UBAP2: variants seen among roughly 807,000 people sequenced by gnomAD.
UBAP2 encodes ubiquitin associated protein 2, also known as ubiquitin-associated protein 2.
Under a neutral mutation model 139.6 loss-of-function variants are expected in UBAP2, and 75 were observed. The ratio of observed to expected loss-of-function variants is 0.54; its 90% confidence interval spans 0.45 to 0.65. The LOEUF (loss-of-function observed/expected upper bound fraction) is 0.65. Among genes scored for constraint, UBAP2 ranks in the 30% least tolerant of loss-of-function variants. The pLI is 0.00. For missense variants in UBAP2, 1,368 were observed against 1,369.6 expected, an observed-to-expected ratio of 1.00 and a Z score of 0.02; for synonymous variants, 526 against 526.2, an observed-to-expected ratio of 1.00 and a Z score of 0.01.
rs1823610153 is a variant in UBAP2 at position 33,927,925 on chromosome 9, A to T, written c.2243T>A (p.Val748Asp). Residue 748 changes from valine (V) to aspartate (D), a missense_variant, in exon 20 of 29, where the codon GTC (valine) becomes GAC (aspartate). Val to Asp is a radical substitution (Grantham distance 152, BLOSUM62 -3). Coordinates refer to ENST00000379238, the MANE Select transcript of UBAP2 (RefSeq NM_001370062.2). ...GGCGCCTGAGGATGCGGAACTTGAG[A>T]CGGAGGTCGCTGCCGTGGAGAAGGT... Reference protein sequence around the residue: ...SATFSTAATSVSSSASSGASL... With the variant: ...SATFSTAATSDSSSASSGASL... 6.2e-7 allele frequency: 1 copy of T among 1,614,068 alleles called. No homozygotes were observed. The highest frequency in any genetic ancestry group is 8.5e-7 in the Non-Finnish European group (1 of 1,180,030).
chr9:33,995,494 A>T (rs1198595135), intron 4 of UBAP2: 1 of 134,690 alleles, frequency 7.4e-6, no homozygotes, highest in Non-Finnish European at 1.5e-5. Flanking sequence ...TATATTATTA[A>T]ATATATATAT....
intron 1 of UBAP2, among the ~76,000 whole-genome samples, chr9:34,041,261 T>G (rs1374814671): frequency 1.3e-5 from 2 of 148,506 alleles, no homozygotes; most frequent in African/African-American, 5.0e-5. Context: ...GAGACCAGCC[T>G]GCCCAACATA....
intron 11 of UBAP2, among the ~76,000 whole-genome samples, chr9:33,954,002 G>C (rs767804584): frequency 2.3e-4 from 35 of 151,890 alleles, no homozygotes; most frequent in Non-Finnish European, 7.4e-5. Flanking sequence ...TGCCTCCCAG[G>C]CTTAAGCGAT....
At chr9:33,962,475 G>A (rs1259795301) in intron 9 of UBAP2, among the ~76,000 whole-genome samples, 3 of 151,582 alleles carry the variant, frequency 2.0e-5, no homozygotes, top group Admixed American at 6.6e-5. Context: ...ATGAAACCCC[G>A]TCTCTACTAA....
chr9:34,040,857 ACT>A (rs1416037584), intron 1 of UBAP2, among the ~76,000 whole-genome samples: 1 of 152,182 alleles, frequency 6.6e-6, no homozygotes, highest in African/African-American at 2.4e-5. Context: ...GAAAATAGTA[ACT>A]CAACTTTCTG....
At chr9:34,009,357 C>T (rs1034705012) in intron 2 of UBAP2, among the ~76,000 whole-genome samples, 1 of 151,988 alleles carries the variant, frequency 6.6e-6, no homozygotes, top group Admixed American at 6.6e-5. Flanking sequence ...TCTCAGCCTC[C>T]CAAAGTGCTG....
intron 1 of UBAP2, among the ~76,000 whole-genome samples, chr9:34,025,807 T>TG (rs1258936269): frequency 6.6e-6 from 1 of 152,204 alleles, no homozygotes; most frequent in African/African-American, 2.4e-5. Flanking sequence ...CTCAAACTCC[T>TG]GGGCTCAGGT....
intron 1 of UBAP2, among the ~76,000 whole-genome samples, chr9:34,024,298 C>T (rs1028506456): frequency 1.3e-4 from 19 of 151,176 alleles, no homozygotes; most frequent in African/African-American, 1.7e-4. Flanking sequence ...GCCAAAATTG[C>T]GCCATTGCAC....
chr9:33,983,638 CT>C (rs1166090066), intron 6 of UBAP2, among the ~76,000 whole-genome samples: 1 of 152,116 alleles, frequency 6.6e-6, no homozygotes, highest in Non-Finnish European at 1.5e-5. Flanking sequence ...TTTATTCTTT[CT>C]TTTTGTTACC....
chr9:33,937,120 T>A (rs1310620993), intron 16 of UBAP2, among the ~76,000 whole-genome samples: 6 of 148,132 alleles, frequency 4.1e-5, no homozygotes, highest in African/African-American at 1.2e-4. Context: ...AAAGTGAGAC[T>A]GGTGGTGATT....
At position 33,935,869 on chromosome 9, in the gene UBAP2, C is replaced by T. The variant is rs1369532169; in HGVS notation, c.1939G>A (p.Gly647Ser). The change falls in exon 17 of 29, where the codon GGT (glycine) becomes AGT (serine). Residue 647 changes from glycine (G) to serine (S), a missense_variant. Gly to Ser is a moderately conservative substitution (Grantham distance 56). Transcript: ENST00000379238. The part of the protein sequence containing the change: ...SAPGTIMNGH[G>S]GGRSQQTLDT... ...AGTGTCTGCTGACTTCGACCACCAC[C>T]ATGTCCATTCTATAAGGAAAAGAAG... The T allele has an allele frequency of 1.2e-6, 2 of 1,612,964 alleles. No individual in the cohort carries two copies. The highest frequency in any genetic ancestry group is 8.5e-7 in the Non-Finnish European group (1 of 1,179,762).
At chr9:33,981,266 TATATATATATATTCTGG>T (rs1564044712) in intron 6 of UBAP2, among the ~76,000 whole-genome samples, 4 of 89,260 alleles carry the variant, frequency 4.5e-5, no homozygotes, top group Admixed American at 1.2e-4. Context: ...ATATTCTGGA[TATATATATATATTCTGG>T]ATATATATAT....
chr9:33,948,292 A>G (rs765159746), intron 13 of UBAP2, 82 bp downstream of exon 13: 30 of 1,261,880 alleles, frequency 2.4e-5, no homozygotes, highest in Non-Finnish European at 3.2e-5. Flanking sequence ...CAAATTCCAC[A>G]TTAGTCTTCA....
chr9:34,007,642 A>ATTTTTTTT (rs1554689984), intron 2 of UBAP2, among the ~76,000 whole-genome samples: 1 of 120,226 alleles, frequency 8.3e-6, no homozygotes, highest in Non-Finnish European at 2.0e-5. Context: ...TGTATGTTTT[A>ATTTTTTTT]TTTTTATTTT....
chr9:33,927,565 A>G (rs569597262), intron 20 of UBAP2, among the ~76,000 whole-genome samples: 2 of 152,170 alleles, frequency 1.3e-5, no homozygotes, highest in Non-Finnish European at 2.9e-5. Flanking sequence ...CGGCTCCAGG[A>G]AAGAACAAAG....
In UBAP2 at chr9:33,923,478, C is replaced by T. The variant is rs147150850; in HGVS notation, c.2797G>A (p.Val933Ile). ...TGTTGCTTGGCTGAGGCTGGAGGGA[C>T]CTGGGGGGGCAAGCAGATGAGGTAT... ...SAFQYGPTMF[V>I]PPASAKQHGV... The change falls in exon 25 of 29, where the codon GTC (valine) becomes ATC (isoleucine). Residue 933 changes from valine (V) to isoleucine (I), a missense_variant and splice_region_variant. Val to Ile is a conservative substitution (Grantham distance 29, BLOSUM62 3). Transcript: ENST00000379238. The T allele has an allele frequency of 1.7e-4, 270 of 1,613,898 alleles. 3 individuals carry two copies. In the South Asian group the frequency reaches 2.8e-3, roughly 17 times the overall value.
chr9:34,039,847 TAAAAAAAAA>T (rs74180526), intron 1 of UBAP2, among the ~76,000 whole-genome samples: 4 of 84,422 alleles, frequency 4.7e-5, no homozygotes, highest in South Asian at 1.0e-3. Flanking sequence ...CAATAAATAC[TAAAAAAAAA>T]AAAAAAAAAA....
At chr9:34,017,028 A>AT in intron 2 of UBAP2, 22 bp downstream of exon 2, 1 of 1,548,568 alleles carries the variant, frequency 6.5e-7, no homozygotes, top group Non-Finnish European at 8.7e-7. Context: ...AAAAAAAAAA[A>AT]AAGAGTTCCA....
At chr9:34,008,724 T>G (rs1010668432) in intron 2 of UBAP2, among the ~76,000 whole-genome samples, 2 of 152,056 alleles carry the variant, frequency 1.3e-5, no homozygotes, top group Non-Finnish European at 2.9e-5. Context: ...CCCAGCACTT[T>G]GGTAGGCTGA....
Sources: gnomAD v4.1 joint callset for allele counts (sites outside exome capture counted in the v4.1 genomes callset) on GRCh38, gnomAD v4.1.1 for gene constraint, MANE v1.5 for transcripts, NCBI Gene and HGNC (gene_info 2026-07-23, HGNC 2026-07-21) for gene names.